EYS: variants seen among roughly 807,000 people sequenced by gnomAD.
The protein encoded by EYS is EGF-like photoreceptor maintenance factor, also known as protein eyes shut homolog.
Under a neutral mutation model 282.1 loss-of-function variants are expected in EYS, and 250 were observed. That is an observed-to-expected ratio of 0.89 (90% confidence interval 0.80 to 0.98). The LOEUF (loss-of-function observed/expected upper bound fraction) is 0.98, where lower values mean the gene tolerates loss of function less well. Ranked by LOEUF, EYS falls within the 50% of genes least tolerant of loss-of-function variation. The pLI is 0.00. For missense variants in EYS, 4,016 were observed against 3,709.0 expected (o/e 1.08, Z -2.15); for synonymous variants, 1,355 against 1,282.9 (o/e 1.06, Z -1.20).
At chr6:64,003,057 T>C (rs1040572579) in intron 33 of EYS, among the ~76,000 whole-genome samples, 3 of 152,156 alleles carry the variant, frequency 2.0e-5, no homozygotes, top group African/African-American at 7.2e-5. Context: ...GGAAGTAACC[T>C]AAGTGTTCAT....
At chr6:64,016,533 A>T in intron 33 of EYS, among the ~76,000 whole-genome samples, 1 of 146,082 alleles carries the variant, frequency 6.8e-6, no homozygotes, top group East Asian at 2.0e-4. Flanking sequence ...TCCGTCACCC[A>T]GGCTGGAGTG....
At chr6:65,362,653 TTAC>T (rs919260310) in intron 8 of EYS, among the ~76,000 whole-genome samples, 2 of 151,908 alleles carry the variant, frequency 1.3e-5, no homozygotes, top group Admixed American at 1.3e-4. Flanking sequence ...TGTAATATTT[TTAC>T]TACAAGTGCT....
intron 12 of EYS, among the ~76,000 whole-genome samples, chr6:65,139,933 G>C (rs1396231451): frequency 6.6e-6 from 1 of 152,020 alleles, no homozygotes; most frequent in Non-Finnish European, 1.5e-5. Context: ...GAGGATGCCA[G>C]CTAAAAAGAT....
chr6:65,637,740 G>A (rs1767140123), intron 2 of EYS, among the ~76,000 whole-genome samples: 1 of 152,204 alleles, frequency 6.6e-6, no homozygotes, highest in African/African-American at 2.4e-5. Context: ...ACTCGGGACA[G>A]GGCTGACACA....
At chr6:65,030,526 T>C (rs1373746907) in intron 13 of EYS, among the ~76,000 whole-genome samples, 1 of 152,124 alleles carries the variant, frequency 6.6e-6, no homozygotes, top group African/African-American at 2.4e-5. Flanking sequence ...ATGCATGTAC[T>C]CCACTGTACC....
rs765404679 is a variant in EYS, at chr6:64,626,129, C to A, written c.3560G>T (p.Cys1187Phe). ...ATTTTTAAAATAATTACCTGGTTGG[C>A]ATTTGCAAACATATCCATTGATGTG... ...EDHINGYVCK[C>F]QPGWSGHHCE... Residue 1187 changes from cysteine (C) to phenylalanine (F), a missense_variant, in exon 23 of 43, where the codon TGC becomes TTC. Physicochemically the swap from Cys to Phe is radical, Grantham distance 205 (BLOSUM62 -2). Transcript: ENST00000503581. 2 of 1,535,836 alleles carry A rather than the reference C, an allele frequency of 1.3e-6. No individual in the cohort carries two copies. The highest frequency in any genetic ancestry group is 2.5e-5 in the South Asian group (2 of 81,298).
chr6:65,024,487 C>A (rs889587143), intron 13 of EYS, among the ~76,000 whole-genome samples: 1 of 152,202 alleles, frequency 6.6e-6, no homozygotes, highest in Non-Finnish European at 1.5e-5. Flanking sequence ...AACCTCATTA[C>A]AGGGCTGAGT....
chr6:64,291,129 A>AC (rs1319849264), intron 30 of EYS, among the ~76,000 whole-genome samples: 2 of 151,494 alleles, frequency 1.3e-5, no homozygotes, highest in African/African-American at 4.9e-5. Context: ...CATTTGAAAG[A>AC]CTGCCATCTG....
intron 26 of EYS, among the ~76,000 whole-genome samples, chr6:64,541,067 T>C (rs1166809748): frequency 6.6e-6 from 1 of 152,184 alleles, no homozygotes; most frequent in Non-Finnish European, 1.5e-5. Context: ...TAATCCTGAG[T>C]TCTCTTGATT....
chr6:65,025,318 A>T (rs1326414709), intron 13 of EYS, among the ~76,000 whole-genome samples: 1 of 152,164 alleles, frequency 6.6e-6, no homozygotes, highest in African/African-American at 2.4e-5. Context: ...TTAAAACAAT[A>T]CAGCAAAATG....
intron 13 of EYS, among the ~76,000 whole-genome samples, chr6:65,041,524 T>A (rs1328153201): frequency 6.6e-6 from 1 of 151,762 alleles, no homozygotes; most frequent in Admixed American, 6.6e-5. Flanking sequence ...GCTCTGAGTC[T>A]ATTTTGAAAA....
intron 31 of EYS, among the ~76,000 whole-genome samples, chr6:64,214,655 A>G (rs1219395575): frequency 6.6e-6 from 1 of 152,080 alleles, no homozygotes; most frequent in African/African-American, 2.4e-5. Context: ...AAAATACCAT[A>G]GGAAGTCATA....
chr6:64,472,692 T>C (rs1251731449), intron 26 of EYS, among the ~76,000 whole-genome samples: 2 of 152,150 alleles, frequency 1.3e-5, no homozygotes, highest in Non-Finnish European at 2.9e-5. Context: ...ACATCAAAGA[T>C]AGAGAGAAAG....
rs370917629 is a variant in EYS, at chr6:65,442,885, T to C, written c.863-37518A>G. Among the ~76,000 whole-genome samples, 3 of 101,778 alleles carry C rather than the reference T, an allele frequency of 2.9e-5. 1 individual carries two copies. Among genetic ancestry groups the C allele is most frequent in the Non-Finnish European group, 5.0e-5 (2 of 39,718 alleles). The allele number at this position is 101,778 out of a possible 152,430, so 66.8% of individuals were successfully genotyped here. On this transcript the variant is annotated intron_variant, in intron 5 of 42. Coordinates refer to ENST00000503581, the MANE Select transcript of EYS (RefSeq NM_001142800.2). The stretch of plus-strand genomic sequence containing the variant: ...ATATATACATACATATACACATACA[T>C]ATGTACATATATGTATATATACATG...
intron 18 of EYS, among the ~76,000 whole-genome samples, chr6:64,900,483 T>G (rs1767619747): frequency 6.6e-6 from 1 of 152,110 alleles, no homozygotes; most frequent in African/African-American, 2.4e-5. Flanking sequence ...TATATCCATC[T>G]GGGAAATGGC....
chr6:64,454,038 G>T (rs529040940), intron 26 of EYS, among the ~76,000 whole-genome samples: 2 of 151,874 alleles, frequency 1.3e-5, no homozygotes, highest in African/African-American at 2.4e-5. Flanking sequence ...TTACCAGTTG[G>T]CTATGACAAA....
chr6:64,118,482 C>T (rs1289797599), intron 31 of EYS, among the ~76,000 whole-genome samples: 2 of 152,002 alleles, frequency 1.3e-5, no homozygotes, highest in Non-Finnish European at 2.9e-5. Context: ...ACTAGGTATC[C>T]ATATCCAGAA....
intron 2 of EYS, among the ~76,000 whole-genome samples, chr6:65,533,055 A>T (rs1272279587): frequency 6.6e-6 from 1 of 152,094 alleles, no homozygotes; most frequent in Non-Finnish European, 1.5e-5. Flanking sequence ...ATGTATAAAA[A>T]TTACTAATAT....
intron 2 of EYS, among the ~76,000 whole-genome samples, chr6:65,543,969 C>G (rs940771905): frequency 2.0e-5 from 3 of 150,550 alleles, no homozygotes; most frequent in Non-Finnish European, 4.4e-5. Context: ...AACACAGAAT[C>G]AAACTTTCCC....
Sources: allele counts gnomAD v4.1 joint callset (sites outside exome capture counted in the v4.1 genomes callset), GRCh38; gene constraint gnomAD v4.1.1; transcripts MANE v1.5; gene names NCBI Gene and HGNC (gene_info 2026-07-23, HGNC 2026-07-21).